The following SEC22C variants were observed in gnomAD, a reference collection of about 807,000 sequenced individuals.
The protein encoded by SEC22C is SEC22 homolog C, vesicle trafficking protein.
In SEC22C, 29 loss-of-function variants were observed where a neutral mutation model predicts 34.7. The ratio of observed to expected loss-of-function variants is 0.84; its 90% CI spans 0.62 to 1.14. SEC22C has a LOEUF of 1.14. Among genes scored for constraint, SEC22C ranks in the 50% most tolerant of loss-of-function variants. The pLI, the probability that SEC22C is intolerant of heterozygous loss-of-function variation, is 0.00. For missense variants in SEC22C, 337 were observed against 369.0 expected (o/e 0.91, Z 0.71); for synonymous variants, 117 against 132.8 (o/e 0.88, Z 0.82).
At chr3:42,598,458 G>A (rs1410550223) in intron 1 of SEC22C, among the ~76,000 whole-genome samples, 1 of 151,726 alleles carries the variant, frequency 6.6e-6, no homozygotes, top group African/African-American at 2.4e-5. Flanking sequence ...CTCCTGAGTA[G>A]CTGGGATTAC....
rs1454382164 is a variant in SEC22C at position 42,568,914 on chromosome 3, C to G, written c.133G>C (p.Ala45Pro). 20 of 1,614,164 alleles carry G rather than the reference C, an allele frequency of 1.2e-5. No homozygotes were observed. Among genetic ancestry groups the G allele is most frequent in the Non-Finnish European group, 1.7e-5 (20 of 1,180,028 alleles). The change falls in exon 2 of 7, where the codon GCC (alanine) becomes CCC (proline). Residue 45 changes from alanine to proline, a missense_variant. By Grantham distance (27) the Ala-to-Pro change is conservative. Transcript: ENST00000264454. ...RRLKSLALRL[A>P]QYPGRGSAEG... is the part of the protein sequence containing the mutation. ...GCAGAACCTCGACCTGGATACTGGGCCAGTCGCAAGGCTAAACTCTTGAGC... is the reference window on the plus strand; with the variant it reads ...GCAGAACCTCGACCTGGATACTGGGGCAGTCGCAAGGCTAAACTCTTGAGC...
chr3:42,560,052 G>A (rs1397938062), intron 4 of SEC22C, among the ~76,000 whole-genome samples: 1 of 150,058 alleles, frequency 6.7e-6, no homozygotes, highest in Non-Finnish European at 1.5e-5. Flanking sequence ...AAGAAGAGTG[G>A]GGGTTTCAGA....
In SEC22C at chr3:42,563,615, C is replaced by A; in HGVS notation, c.254G>T (p.Cys85Phe). 1 of 1,614,166 alleles carries A rather than the reference C, an allele frequency of 6.2e-7. No individual in the cohort carries two copies. The highest frequency in any genetic ancestry group is 8.5e-7 in the Non-Finnish European group (1 of 1,180,006). ...SCQCPAAMAF[C>F]FLETLWWEFT... is the part of the protein sequence containing the mutation. ...TTCCCACCACAGGGTCTCCAGGAAG[C>A]AGAAGGCCATGGCTGCTGGACACTG... Residue 85 changes from cysteine (C) to phenylalanine (F), a missense_variant, in exon 3 of 7, where the codon TGC becomes TTC. Coordinates refer to ENST00000264454, the MANE Select transcript of SEC22C (RefSeq NM_032970.4).
At chr3:42,577,655 G>T (rs1443052680) in intron 1 of SEC22C, among the ~76,000 whole-genome samples, 4 of 152,122 alleles carry the variant, frequency 2.6e-5, no homozygotes, top group Non-Finnish European at 4.4e-5. Flanking sequence ...ATGCATTACT[G>T]GACTGTAAAA....
rs1200625775 is a variant in SEC22C, at chr3:42,554,997, A to AAC, written c.711+932_711+933insGT. 1.7e-4 allele frequency among the ~76,000 whole-genome samples: 16 copies of AAC among 95,252 alleles called. No individual in the cohort carries two copies. The East Asian group carries it at 0.01, about 62-fold the overall frequency. 62.5% of individuals were successfully genotyped at this position (95,252 alleles called of 152,430 possible). Reference sequence around the variant, plus strand: ...TTAAAACAACAACAACAACAACAACAAAAAAATCAGCAGTTCTTTGACCTA... The same window carrying AAC: ...TTAAAACAACAACAACAACAACAACAACAAAAAATCAGCAGTTCTTTGACCTA... On this transcript the variant is annotated intron_variant, in intron 6 of 6. Coordinates refer to ENST00000264454, the MANE Select transcript of SEC22C (RefSeq NM_032970.4).
At chr3:42,585,645 T>C (rs1206784136), upstream of SEC22C, among the ~76,000 whole-genome samples, 4 of 152,194 alleles carry the variant, frequency 2.6e-5, no homozygotes, top group East Asian at 1.9e-4. Flanking sequence ...AATATACTTA[T>C]ATTCCTTGCA....
chr3:42,561,013 C>T (rs1702867846), intron 4 of SEC22C, 104 bp downstream of exon 4: 2 of 1,165,154 alleles, frequency 1.7e-6, no homozygotes, highest in African/African-American at 1.5e-5. Flanking sequence ...TTTTATACTA[C>T]TCCCTCTCCC....
intron 1 of SEC22C, among the ~76,000 whole-genome samples, chr3:42,581,539 C>T (rs1336683942): frequency 6.6e-6 from 1 of 152,280 alleles, no homozygotes; most frequent in Non-Finnish European, 1.5e-5. Context: ...AAACAATCGT[C>T]CCCTTTCTCA....
chr3:42,553,533 T>C lies in SEC22C; in HGVS notation c.712-85A>G, dbSNP rs572020708. The C allele has an allele frequency of 5.7e-5, 87 of 1,519,216 alleles. 1 individual carries two copies. In the Middle Eastern group the frequency reaches 1.2e-3, roughly 21 times the overall value. The allele number at this position is 1,519,216 out of a possible 1,614,324, so 94.1% of individuals were successfully genotyped here. ...CAAAATTCACCTCCCACAGCTTCCA[T>C]GAAGAGTGTCATTTCTCTCACATTA... On this transcript the variant is annotated intron_variant, in intron 6 of 6. Coordinates refer to ENST00000264454, the MANE Select transcript of SEC22C (RefSeq NM_032970.4).
intron 4 of SEC22C, 103 bp downstream of exon 4, chr3:42,561,014 T>C: frequency 8.5e-7 from 1 of 1,173,806 alleles, no homozygotes; most frequent in Non-Finnish European, 1.2e-6. Flanking sequence ...TTTATACTAC[T>C]CCCTCTCCCC....
intron 2 of SEC22C, chr3:42,565,836 T>C (rs916131305): frequency 8.9e-6 from 4 of 448,846 alleles, no homozygotes; most frequent in Non-Finnish European, 1.3e-5. Context: ...ATGGCAGCCT[T>C]AGGGAACTAA....
chr3:42,549,198 A>T lies in SEC22C; in HGVS notation c.*4050T>A. 2.0e-6 allele frequency: 2 copies of T among 986,782 alleles called. No individual in the cohort carries two copies. The highest frequency in any genetic ancestry group is 2.4e-6 in the Non-Finnish European group (2 of 830,754). 61.1% of individuals were successfully genotyped at this position (986,782 alleles called of 1,614,324 possible). ...GACCTGTGCAATATTCTACACGAAA[A>T]CATTTGGAATGTGAGCAATGTCTGA... On this transcript the variant is annotated 3_prime_UTR_variant, in exon 7 of 7. Coordinates refer to ENST00000264454, the MANE Select transcript of SEC22C (RefSeq NM_032970.4).
At chr3:42,595,763 A>G (rs891974983) in intron 1 of SEC22C, among the ~76,000 whole-genome samples, 3 of 152,246 alleles carry the variant, frequency 2.0e-5, no homozygotes, top group Admixed American at 6.5e-5. Flanking sequence ...CAAGGGTTGC[A>G]ACCTAGGGCA....
At chr3:42,582,520 G>C (rs1333112271), upstream of SEC22C, among the ~76,000 whole-genome samples, 1 of 152,268 alleles carries the variant, frequency 6.6e-6, no homozygotes, top group Non-Finnish European at 1.5e-5. Context: ...GTAGGTAGCA[G>C]AGTCCGTCCA....
rs938612182 is a variant in SEC22C at position 42,561,039 on chromosome 3, T to C, written c.526+78A>G. 8.2e-6 allele frequency: 12 copies of C among 1,458,494 alleles called. No homozygotes were observed. In the African/African-American group the frequency reaches 1.0e-4, roughly 12 times the overall value. 90.3% of individuals were successfully genotyped at this position (1,458,494 alleles called of 1,614,324 possible). A position where few individuals can be genotyped will look rare whatever the true frequency, so the allele number is the denominator to read the frequency against. ...TCCCTCTCCCCAAAAAATAGCTTTC[T>C]AGTGAAAAAAAAAATCAACGTCCAT... On this transcript the variant is annotated intron_variant, in intron 4 of 6. Transcript: ENST00000264454.
intron 1 of SEC22C, chr3:42,590,791 C>A: frequency 8.5e-7 from 1 of 1,179,414 alleles, no homozygotes; most frequent in African/African-American, 1.5e-5. Context: ...GACGTCCCTT[C>A]TGTACCCCGC....
At chr3:42,571,116 T>A (rs940946717) in intron 1 of SEC22C, among the ~76,000 whole-genome samples, 4 of 152,232 alleles carry the variant, frequency 2.6e-5, no homozygotes, top group Non-Finnish European at 4.4e-5. Flanking sequence ...TCTGTCTTTA[T>A]GGAGCATCTA....
chr3:42,588,366 A>G (rs539241315), intron 1 of SEC22C, among the ~76,000 whole-genome samples: 127 of 151,918 alleles, frequency 8.4e-4, no homozygotes, highest in African/African-American at 2.7e-3. Flanking sequence ...GATTGCACCA[A>G]TGCACTCCAG....
upstream of SEC22C, among the ~76,000 whole-genome samples, chr3:42,582,756 C>T (rs1297226337): frequency 2.0e-5 from 3 of 152,042 alleles, no homozygotes; most frequent in Non-Finnish European, 4.4e-5. Flanking sequence ...AGGAGGCTAA[C>T]TAGGCAAAGG....
Sources: allele counts gnomAD v4.1 joint callset (sites outside exome capture counted in the v4.1 genomes callset), GRCh38; gene constraint gnomAD v4.1.1; transcripts MANE v1.5; gene names NCBI Gene and HGNC (gene_info 2026-07-23, HGNC 2026-07-21).